The following HLCS variants were observed in gnomAD, a reference collection of about 807,000 sequenced individuals.
The protein encoded by HLCS is biotin--protein ligase.
In HLCS, 53 loss-of-function variants were observed where a neutral mutation model predicts 75.0. The observed-to-expected ratio is 0.71, with a 90% CI of 0.57 to 0.89. HLCS has a LOEUF of 0.89. HLCS is among the 40% of genes least tolerant of loss of function. HLCS has a pLI of 0.00. For synonymous variants in HLCS, 431 were observed against 428.6 expected (o/e 1.01, Z -0.07); for missense variants, 966 against 1,074.0 (o/e 0.90, Z 1.41).
At chr21:36,915,094 T>G (rs2065878296) in intron 5 of HLCS, among the ~76,000 whole-genome samples, 1 of 152,150 alleles carries the variant, frequency 6.6e-6, no homozygotes, top group African/African-American at 2.4e-5. Flanking sequence ...CATCCTCAGC[T>G]ATTTGCCTGT....
At chr21:36,854,709 G>A (rs1422027215) in intron 6 of HLCS, among the ~76,000 whole-genome samples, 4 of 152,286 alleles carry the variant, frequency 2.6e-5, no homozygotes, top group East Asian at 3.9e-4. Context: ...TGACCAGAAC[G>A]TAGTGCTCAG....
intron 6 of HLCS, among the ~76,000 whole-genome samples, chr21:36,791,632 A>AG (rs2060867371): frequency 6.6e-6 from 1 of 151,964 alleles, no homozygotes; most frequent in Non-Finnish European, 1.5e-5. Flanking sequence ...GTACCATGTG[A>AG]GAGAAATAGG....
rs554831141 is a variant in HLCS at position 36,917,619 on chromosome 21, G to GTGAC, written c.1620+12628_1620+12631dup. Among the ~76,000 whole-genome samples, 33 of 152,260 alleles carry GTGAC rather than the reference G, an allele frequency of 2.2e-4. No individual in the cohort carries two copies. In the East Asian group the frequency reaches 4.8e-3, roughly 22 times the overall value. On this transcript the variant is annotated intron_variant, in intron 5 of 10. Coordinates refer to ENST00000674895, the MANE Select transcript of HLCS (RefSeq NM_001352514.2). ...AGGGCTACAGCCGTAAGCATGCTTG[G>GTGAC]TGACTGGAGGCTGTGTAGTGAGACC...
intron 6 of HLCS, among the ~76,000 whole-genome samples, chr21:36,861,216 A>C (rs530632713): frequency 1.3e-5 from 2 of 152,064 alleles, no homozygotes; most frequent in African/African-American, 4.8e-5. Flanking sequence ...CCACGAGAAA[A>C]ATTCTGGACC....
chr21:36,953,055 A>G (rs1188487496), intron 2 of HLCS, among the ~76,000 whole-genome samples: 1 of 152,234 alleles, frequency 6.6e-6, no homozygotes, highest in East Asian at 1.9e-4. Flanking sequence ...AGTTCTGTAC[A>G]ATGAAATGGG....
At chr21:36,879,422 A>AT (rs541762480) in intron 6 of HLCS, among the ~76,000 whole-genome samples, 120 of 152,372 alleles carry the variant, frequency 7.9e-4, no homozygotes, top group Middle Eastern at 3.4e-3. Context: ...GTAGGAGGAA[A>AT]TAAAAGACTA....
chr21:36,985,281 T>C (rs529182154), intron 1 of HLCS, among the ~76,000 whole-genome samples: 1 of 152,390 alleles, frequency 6.6e-6, no homozygotes. Flanking sequence ...GCCATGTCTC[T>C]TTATTCCCTT....
At chr21:36,952,215 C>T (rs2067700173) in intron 2 of HLCS, among the ~76,000 whole-genome samples, 1 of 151,532 alleles carries the variant, frequency 6.6e-6, no homozygotes, top group Admixed American at 6.6e-5. Flanking sequence ...TCATAAGAAC[C>T]CCCCAAAATG....
At chr21:36,959,256 G>A (rs139598763) in intron 2 of HLCS, among the ~76,000 whole-genome samples, 2,240 of 152,324 alleles carry the variant, frequency 0.015, 50 homozygotes, top group African/African-American at 0.05. Context: ...GGGCGGTGTC[G>A]CAACCCGGCC....
At chr21:36,883,872 A>C (rs567368017) in intron 6 of HLCS, among the ~76,000 whole-genome samples, 1 of 152,180 alleles carries the variant, frequency 6.6e-6, no homozygotes, top group Non-Finnish European at 1.5e-5. Flanking sequence ...AGACACAAGA[A>C]TCCAGTGAAA....
intron 6 of HLCS, 51 bp from the exon 7 acceptor site, chr21:36,767,336 G>T: frequency 6.5e-7 from 1 of 1,537,246 alleles, no homozygotes; most frequent in Non-Finnish European, 9.0e-7. Flanking sequence ...CACGCCCGCG[G>T]CACCAATGGC....
rs931286999 is a variant in HLCS, at chr21:36,937,023, C to T, written c.863G>A (p.Ser288Asn). The T allele has an allele frequency of 6.2e-7, 1 of 1,614,122 alleles. No individual in the cohort carries two copies. Among genetic ancestry groups the T allele is most frequent in the Admixed American group, 1.7e-5 (1 of 60,016 alleles). The change falls in exon 4 of 11, where the codon AGT becomes AAT. Residue 288 changes from serine to asparagine, a missense_variant. Ser to Asn is a conservative substitution (Grantham distance 46). Transcript: ENST00000674895. ...LPYDYSSSLE[S>N]VADETSPERE... Reference sequence around the variant, plus strand: ...TTCGGGGGAGGTCTCATCAGCAACACTCTCCAAACTGCTGCTATAATCGTA... The same window carrying T: ...TTCGGGGGAGGTCTCATCAGCAACATTCTCCAAACTGCTGCTATAATCGTA...
At chr21:36,849,055 T>C (rs563876903) in intron 6 of HLCS, among the ~76,000 whole-genome samples, 1 of 152,344 alleles carries the variant, frequency 6.6e-6, no homozygotes, top group East Asian at 1.9e-4. Flanking sequence ...ACAACATTCT[T>C]GTTATACATG....
chr21:36,839,066 A>G (rs2146086901), intron 6 of HLCS, among the ~76,000 whole-genome samples: 1 of 152,366 alleles, frequency 6.6e-6, no homozygotes, highest in South Asian at 2.1e-4. Flanking sequence ...CATCACTTAA[A>G]CAGTTAACAG....
chr21:36,965,001 G>A (rs975018081), intron 1 of HLCS, among the ~76,000 whole-genome samples: 1 of 152,156 alleles, frequency 6.6e-6, no homozygotes, highest in Non-Finnish European at 1.5e-5. Flanking sequence ...CCTTTTGTCT[G>A]GGTAGTGTCA....
chr21:36,754,543 G>T (rs2089485526), intron 10 of HLCS, 126 bp from the exon 11 acceptor site: 2 of 951,510 alleles, frequency 2.1e-6, no homozygotes, highest in Non-Finnish European at 3.3e-6. Context: ...CTCGCTGCAG[G>T]GAAAAGGCAG....
intron 5 of HLCS, among the ~76,000 whole-genome samples, chr21:36,904,950 T>C (rs2065389075): frequency 6.6e-6 from 1 of 152,188 alleles, no homozygotes; most frequent in Admixed American, 6.5e-5. Context: ...CACTACCCAC[T>C]CTGCAATACG....
rs371852778 is a variant in HLCS at position 36,776,173 on chromosome 21, A to G, written c.1893-8888T>C. Among the ~76,000 whole-genome samples, 9 of 152,362 alleles carry G rather than the reference A, an allele frequency of 5.9e-5. No homozygotes were observed. The East Asian group carries it at 1.7e-3, about 29-fold the overall frequency. On this transcript the variant is annotated intron_variant, in intron 6 of 10. Transcript: ENST00000674895. ...CTTAAAGAAAAGTTACAGGAAGAGT[A>G]CAAAGCATTCCTACATGCCCTTCAC... is the stretch of plus-strand genomic sequence containing the variant.
intron 6 of HLCS, among the ~76,000 whole-genome samples, chr21:36,850,606 C>T (rs550496199): frequency 2.1e-4 from 32 of 150,086 alleles, no homozygotes; most frequent in African/African-American, 6.8e-4. Context: ...GCCTTGAGTC[C>T]GGAGACCCCT....
Sources: allele counts gnomAD v4.1 joint callset (sites outside exome capture counted in the v4.1 genomes callset), GRCh38; gene constraint gnomAD v4.1.1; transcripts MANE v1.5; gene names NCBI Gene and HGNC (gene_info 2026-07-23, HGNC 2026-07-21).